Variants in SLC2A8 observed in about 807,000 individuals in gnomAD.
The protein encoded by SLC2A8 is solute carrier family 2 member 8, also known as solute carrier family 2, facilitated glucose transporter member 8.
In SLC2A8, 53 loss-of-function variants were observed where a neutral mutation model predicts 49.2. The ratio of observed to expected loss-of-function variants is 1.08; its 90% CI spans 0.86 to 1.35. SLC2A8 has a LOEUF of 1.35. Ranked by LOEUF, SLC2A8 falls within the 40% of genes most tolerant of loss-of-function variation. SLC2A8 has a pLI of 0.00. For synonymous variants in SLC2A8, 299 were observed against 297.0 expected (o/e 1.01, Z -0.07); for missense variants, 688 against 671.7 (o/e 1.02, Z -0.27).
chr9:127,397,345 G>A, intron 1 of SLC2A8, 31 bp from the exon 2 acceptor site: 1 of 1,400,376 alleles, frequency 7.1e-7, no homozygotes, highest in Non-Finnish European at 9.2e-7. Flanking sequence ...CTCCGCGTCC[G>A]CTCCGCTCAC....
rs775514496 is a variant in SLC2A8 at position 127,407,193 on chromosome 9, C to T, written c.1378C>T (p.Pro460Ser). The stretch of plus-strand genomic sequence containing the variant: ...TGTCCTTTTCACTTTGTTCTGTGTC[C>T]CTGAAACTAAAGGAAAGACTCTGGA... ...FSVLFTLFCV[P>S]ETKGKTLEQI... The change falls in exon 10 of 10, where the codon CCT becomes TCT. Residue 460 changes from proline to serine, a missense_variant. Coordinates refer to ENST00000373371, the MANE Select transcript of SLC2A8 (RefSeq NM_014580.5). 1 of 1,613,482 alleles carries T rather than the reference C, an allele frequency of 6.2e-7. No homozygotes were observed. The highest frequency in any genetic ancestry group is 1.3e-5 in the African/African-American group (1 of 74,922).
chr9:127,397,730 C>T (rs1039290724), intron 2 of SLC2A8, among the ~76,000 whole-genome samples, 175 bp from the exon 3 acceptor site: 1 of 151,948 alleles, frequency 6.6e-6, no homozygotes, highest in Non-Finnish European at 1.5e-5. Flanking sequence ...CATCGAGCCC[C>T]TCAGCCCCCA....
In SLC2A8 at chr9:127,397,539, G is replaced by A. The variant is rs1356669396; in HGVS notation, c.219+1G>A. 3 of 1,408,230 alleles carry A rather than the reference G, an allele frequency of 2.1e-6. No homozygotes were observed. Among genetic ancestry groups the A allele is most frequent in the Non-Finnish European group, 2.7e-6 (3 of 1,093,624 alleles). The allele number at this position is 1,408,230 out of a possible 1,614,324, so 87.2% of individuals were successfully genotyped here. A position where few individuals can be genotyped will look rare whatever the true frequency, so the allele number is the denominator to read the frequency against. On this transcript the variant is annotated splice_donor_variant, in intron 2 of 9. Coordinates refer to ENST00000373371, the MANE Select transcript of SLC2A8 (RefSeq NM_014580.5). LOFTEE classifies it high-confidence loss of function. ...CGACGCCGCCGCCTCCTGGTTCGGG[G>A]TGAGGCCCCGGGCTCGCTCCTCCCG...
Position 127,399,298 on chromosome 9 carries a change from G to A in SLC2A8, c.427-609G>A, listed in dbSNP as rs1316490897. 6.6e-6 allele frequency among the ~76,000 whole-genome samples: 1 copy of A among 152,222 alleles called. No homozygotes were observed. The highest frequency in any genetic ancestry group is 1.5e-5 in the Non-Finnish European group (1 of 68,034). ...TCGGAATCTATGATTTATCCAGGGT[G>A]TCTGTGCACATTAAACGAAGGCTTG... On this transcript the variant is annotated intron_variant, in intron 3 of 9. Coordinates refer to ENST00000373371, the MANE Select transcript of SLC2A8 (RefSeq NM_014580.5). This position sits in a 1 kb window ranked among gnomAD's most constrained non-coding sequence, Gnocchi z 4.2.
chr9:127,402,647 C>T lies in SLC2A8; in HGVS notation c.617C>T (p.Pro206Leu), dbSNP rs372901354. Residue 206 changes from proline (P) to leucine (L), a missense_variant, in exon 5 of 10, where the codon CCG becomes CTG. Physicochemically the swap from Pro to Leu is moderately conservative, Grantham distance 98. Coordinates refer to ENST00000373371, the MANE Select transcript of SLC2A8 (RefSeq NM_014580.5). Reference protein sequence around the residue: ...LLLMCFMPETPRFLLTQHRRQ... With the variant: ...LLLMCFMPETLRFLLTQHRRQ... ...CTCATGTGCTTCATGCCCGAGACCCCGCGCTTCCTGCTGACTCAGCACAGG... is the reference window on the plus strand; with the variant it reads ...CTCATGTGCTTCATGCCCGAGACCCTGCGCTTCCTGCTGACTCAGCACAGG... 4.8e-5 allele frequency: 77 copies of T among 1,592,474 alleles called. No homozygotes were observed. The highest frequency in any genetic ancestry group is 2.3e-4 in the South Asian group (20 of 87,834).
chr9:127,400,752 C>T (rs1224168211), intron 4 of SLC2A8, among the ~76,000 whole-genome samples: 1 of 152,112 alleles, frequency 6.6e-6, no homozygotes, highest in African/African-American at 2.4e-5. Flanking sequence ...CAAAGCTGGG[C>T]CAGCATGAAG....
rs756213563 is a variant in SLC2A8 at position 127,405,494 on chromosome 9, G to A, written c.1225G>A (p.Ala409Thr). Reference protein sequence around the residue: ...EIFPLHVKGVATGICVLTNWL... With the variant: ...EIFPLHVKGVTTGICVLTNWL... ...CTTCCCTCTGCATGTCAAGGGCGTG[G>A]CGACAGGCATCTGCGTCCTCACCAA... Residue 409 changes from alanine to threonine, a missense_variant, in exon 9 of 10, where the codon GCG becomes ACG. Ala to Thr is a moderately conservative substitution (Grantham distance 58). Coordinates refer to ENST00000373371, the MANE Select transcript of SLC2A8 (RefSeq NM_014580.5). 2.0e-5 allele frequency: 32 copies of A among 1,613,066 alleles called. No homozygotes were observed. Among genetic ancestry groups the A allele is most frequent in the Non-Finnish European group, 2.7e-5 (32 of 1,180,022 alleles).
chr9:127,403,967 C>A lies in SLC2A8; in HGVS notation c.876C>A (p.Ser292Arg), dbSNP rs1263634479. 1.9e-6 allele frequency: 3 copies of A among 1,611,020 alleles called. No individual in the cohort carries two copies. Among genetic ancestry groups the A allele is most frequent in the Non-Finnish European group, 2.5e-6 (3 of 1,178,432 alleles). Residue 292 changes from serine to arginine, a missense_variant, in exon 7 of 10, where the codon AGC (serine) becomes AGA (arginine). Physicochemically the swap from Ser to Arg is moderately radical, Grantham distance 110 (BLOSUM62 -1). Transcript: ENST00000373371. ...GGCTCTGTCTCCCCCAGGACAGCAG[C>A]CTGGCCTCGGTCGTCGTGGGTGTCA... is the stretch of plus-strand genomic sequence containing the variant. ...IFEEAKFKDS[S>R]LASVVVGVIQ...
At chr9:127,404,380 T>C (rs1348341503) in intron 7 of SLC2A8, 2 of 341,214 alleles carry the variant, frequency 5.9e-6, no homozygotes, top group African/African-American at 2.1e-5. Flanking sequence ...TTTGGACAAG[T>C]GACTTTACCT....
Position 127,397,301 on chromosome 9 carries a change from AC to A in SLC2A8, c.56+18del. 7.2e-7 allele frequency: 1 copy of A among 1,381,830 alleles called. No homozygotes were observed. The highest frequency in any genetic ancestry group is 1.6e-5 in the South Asian group (1 of 60,764). 85.6% of individuals were successfully genotyped at this position (1,381,830 alleles called of 1,614,324 possible). ...CCTGGCGGCAGGTGAGCTCCGGGGA[AC>A]CCGGGCCCGGATGCGGCCTCGCCCT... On this transcript the variant is annotated intron_variant, in intron 1 of 9. Coordinates refer to ENST00000373371, the MANE Select transcript of SLC2A8 (RefSeq NM_014580.5).
At chr9:127,400,117 G>A in intron 4 of SLC2A8, 111 bp downstream of exon 4, 1 of 805,628 alleles carries the variant, frequency 1.2e-6, no homozygotes, top group Non-Finnish European at 2.0e-6. Flanking sequence ...CACATAGCCA[G>A]TGCCCAACAT....
chr9:127,405,012 C>A (rs776852548), intron 8 of SLC2A8, 21 bp downstream of exon 8: 1 of 1,584,644 alleles, frequency 6.3e-7, no homozygotes, highest in South Asian at 1.1e-5. Flanking sequence ...CTGTGGGAGG[C>A]TGGGCGAGGA....
chr9:127,405,566 G>A lies in SLC2A8; in HGVS notation c.1296+1G>A, dbSNP rs1289872333. Reference sequence around the variant, plus strand: ...GACCAAGGAGTTCAGCAGCCTCATGGTGAGGGCAGGCTCCACCAGCACCGC... The same window carrying A: ...GACCAAGGAGTTCAGCAGCCTCATGATGAGGGCAGGCTCCACCAGCACCGC... On this transcript the variant is annotated splice_donor_variant, in intron 9 of 9. Coordinates refer to ENST00000373371, the MANE Select transcript of SLC2A8 (RefSeq NM_014580.5). LOFTEE classifies it high-confidence loss of function. The A allele has an allele frequency of 6.2e-7, 1 of 1,612,918 alleles. No homozygotes were observed. The highest frequency in any genetic ancestry group is 1.3e-5 in the African/African-American group (1 of 74,956).
Position 127,407,514 on chromosome 9 carries a change from A to C in SLC2A8, c.*265A>C. 3.5e-6 allele frequency: 2 copies of C among 577,488 alleles called. No homozygotes were observed. Among genetic ancestry groups the C allele is most frequent in the Non-Finnish European group, 3.4e-6 (1 of 295,944 alleles). The allele number at this position is 577,488 out of a possible 1,614,324, so 35.8% of individuals were successfully genotyped here. ...GGTCAGCCCTCCATGCGCAAGACTA[A>C]AGCAGCGGAAGAGGAGGTGGGCCTC... On this transcript the variant is annotated 3_prime_UTR_variant, in exon 10 of 10. Coordinates refer to ENST00000373371, the MANE Select transcript of SLC2A8 (RefSeq NM_014580.5).
At chr9:127,406,119 T>G (rs987164875) in intron 9 of SLC2A8, 3 of 511,620 alleles carry the variant, frequency 5.9e-6, no homozygotes, top group African/African-American at 3.9e-5. Context: ...CTGGGGTAGA[T>G]GATCTGGTTG....
intron 9 of SLC2A8, chr9:127,406,053 G>C (rs1833481098): frequency 1.9e-6 from 1 of 519,080 alleles, no homozygotes. Flanking sequence ...CTCACGGATG[G>C]ACTGGCACAG....
intron 7 of SLC2A8, 168 bp downstream of exon 7, chr9:127,404,235 C>T (rs1833406912): frequency 1.7e-6 from 1 of 579,198 alleles, no homozygotes; most frequent in Admixed American, 3.2e-5. Context: ...GCAGGCCTGT[C>T]CATGCCAGTG....
intron 4 of SLC2A8, among the ~76,000 whole-genome samples, 160 bp downstream of exon 4, chr9:127,400,166 C>CTTT (rs796202714): frequency 0.024 from 2,813 of 116,782 alleles, 225 homozygotes; most frequent in African/African-American, 0.079. Flanking sequence ...ATAGGTGAGT[C>CTTT]TTTTTTTTTT....
intron 5 of SLC2A8, among the ~76,000 whole-genome samples, chr9:127,403,025 G>T (rs1019190164): frequency 6.6e-6 from 1 of 152,220 alleles, no homozygotes; most frequent in African/African-American, 2.4e-5. Flanking sequence ...CAGGCCTGGT[G>T]GGGGATACAG....
Sources: allele counts gnomAD v4.1 joint callset (sites outside exome capture counted in the v4.1 genomes callset), GRCh38; gene constraint gnomAD v4.1.1; non-coding constraint Gnocchi (gnomAD v3.1); transcripts MANE v1.5; gene names NCBI Gene and HGNC (gene_info 2026-07-23, HGNC 2026-07-21).